Variants in FBXL13 observed in about 807,000 individuals in gnomAD.
FBXL13 encodes the protein F-box and leucine rich repeat protein 13, also known as F-box and leucine-rich repeat protein 13.
FBXL13 carries 67 observed loss-of-function variants against 83.6 expected under a neutral mutation model. That is an observed-to-expected ratio of 0.80 (90% CI 0.66 to 0.98). The LOEUF (loss-of-function observed/expected upper bound fraction) is 0.98, where lower values mean the gene tolerates loss of function less well. Ranked by LOEUF, FBXL13 falls within the 50% of genes least tolerant of loss-of-function variation. FBXL13 has a pLI of 0.00. For synonymous variants in FBXL13, 272 were observed against 299.5 expected, an observed-to-expected ratio of 0.91 and a Z score of 0.95; for missense variants, 822 against 866.5, an observed-to-expected ratio of 0.95 and a Z score of 0.64.
rs868369854 is a variant in FBXL13 at position 103,034,718 on chromosome 7, C to T, written c.1-5300G>A. On this transcript the variant is annotated intron_variant, in intron 2 of 19. Coordinates refer to ENST00000313221, the Ensembl canonical transcript of FBXL13. ...GTGGGAGCCCAGGCAGAGGAGGCGC[C>T]GAGAGCGAACGAGGGCTGCGAGGGC... 4.6e-5 allele frequency among the ~76,000 whole-genome samples: 7 copies of T among 152,364 alleles called. No individual in the cohort carries two copies. In the South Asian group the frequency reaches 8.3e-4, roughly 18 times the overall value.
At chr7:102,825,854 C>T (rs1285768489) in intron 18 of FBXL13, among the ~76,000 whole-genome samples, 2 of 152,206 alleles carry the variant, frequency 1.3e-5, no homozygotes, top group African/African-American at 2.4e-5. Flanking sequence ...AGCTCTGGCA[C>T]TATTTAATTG....
chr7:103,054,373 G>C (rs567340873), intron 2 of FBXL13, among the ~76,000 whole-genome samples: 4 of 144,314 alleles, frequency 2.8e-5, no homozygotes, highest in Non-Finnish European at 6.0e-5. Context: ...CTGGGCAGCA[G>C]AGCAAGACTC....
intron 8 of FBXL13, chr7:102,933,823 T>G: frequency 2.2e-6 from 3 of 1,339,990 alleles, no homozygotes; most frequent in Non-Finnish European, 3.0e-6. Flanking sequence ...CAGAACTGCA[T>G]TAGTTAAGAT....
At chr7:102,835,811 G>A (rs377192007) in intron 17 of FBXL13, among the ~76,000 whole-genome samples, 1 of 151,168 alleles carries the variant, frequency 6.6e-6, no homozygotes, top group Admixed American at 6.6e-5. Context: ...GGGTTTCACC[G>A]TTTTAGCCGG....
intron 16 of FBXL13, among the ~76,000 whole-genome samples, chr7:102,871,688 T>A (rs1489824010): frequency 6.6e-6 from 1 of 152,192 alleles, no homozygotes; most frequent in Non-Finnish European, 1.5e-5. Context: ...CCACCACACC[T>A]GGCCAATTTT....
At chr7:102,954,048 G>A (rs1319133565) in intron 8 of FBXL13, among the ~76,000 whole-genome samples, 1 of 152,100 alleles carries the variant, frequency 6.6e-6, no homozygotes, top group Admixed American at 6.6e-5. Context: ...ATTTCCAACT[G>A]AGGTACCTGG....
chr7:102,818,489 C>T (rs911116207), intron 19 of FBXL13, among the ~76,000 whole-genome samples: 1 of 152,198 alleles, frequency 6.6e-6, no homozygotes, highest in Non-Finnish European at 1.5e-5. Flanking sequence ...TTTGTTCATA[C>T]TGATAATAAA....
intron 11 of FBXL13, among the ~76,000 whole-genome samples, chr7:102,892,637 T>G (rs1256223365): frequency 1.3e-5 from 2 of 152,212 alleles, no homozygotes; most frequent in African/African-American, 4.8e-5. Context: ...TAAATGATAC[T>G]TAAAACCACA....
intron 8 of FBXL13, among the ~76,000 whole-genome samples, chr7:102,948,442 GAC>G (rs922734341): frequency 2.0e-5 from 3 of 151,446 alleles, no homozygotes; most frequent in Non-Finnish European, 2.9e-5. Flanking sequence ...TCTTTTTTTT[GAC>G]ACAGAGTCTC....
At chr7:102,992,695 C>T (rs534391707) in intron 6 of FBXL13, among the ~76,000 whole-genome samples, 3 of 152,162 alleles carry the variant, frequency 2.0e-5, no homozygotes, top group Admixed American at 1.3e-4. Context: ...GCCTCAACCT[C>T]TCCAGACTTA....
intron 16 of FBXL13, among the ~76,000 whole-genome samples, chr7:102,867,695 A>ATATATATTT (rs1239781180): frequency 1.6e-4 from 8 of 49,078 alleles, no homozygotes; most frequent in African/African-American, 9.8e-4. Context: ...ATATATATAT[A>ATATATATTT]TTTTTTTTTT....
intron 7 of FBXL13, 37 bp from the exon 9 acceptor site, chr7:102,963,702 A>C: frequency 1.3e-6 from 2 of 1,556,330 alleles, no homozygotes; most frequent in Non-Finnish European, 1.7e-6. Flanking sequence ...AGAAATGAGA[A>C]AGTCCCCAAA....
At chr7:103,031,234 T>G (rs1794480603) in intron 2 of FBXL13, 1 of 152,274 alleles carries the variant, frequency 6.6e-6, no homozygotes, top group East Asian at 1.9e-4. Flanking sequence ...TCACATGGCT[T>G]CACTTCCTCC....
intron 1 of FBXL13, among the ~76,000 whole-genome samples, chr7:103,066,516 T>C (rs925058968): frequency 3.3e-5 from 5 of 151,588 alleles, no homozygotes; most frequent in Admixed American, 1.3e-4. Flanking sequence ...CTCAGCCTCC[T>C]GAGCAGCTGG....
At chr7:103,041,719 A>C (rs1156368746) in intron 2 of FBXL13, among the ~76,000 whole-genome samples, 1 of 152,212 alleles carries the variant, frequency 6.6e-6, no homozygotes, top group Non-Finnish European at 1.5e-5. Flanking sequence ...CAATGACAAA[A>C]ACCACATGAT....
At chr7:102,836,440 C>T (rs763801948) in intron 17 of FBXL13, among the ~76,000 whole-genome samples, 12 of 152,174 alleles carry the variant, frequency 7.9e-5, no homozygotes, top group Admixed American at 7.2e-4. Context: ...CCATTTCCCC[C>T]CTACAGATAA....
intron 6 of FBXL13, among the ~76,000 whole-genome samples, chr7:103,014,106 C>T (rs898961293): frequency 2.6e-5 from 4 of 152,160 alleles, no homozygotes; most frequent in African/African-American, 9.7e-5. Context: ...AATCCCTGTA[C>T]AGACTAATAT....
At chr7:102,918,411 T>C (rs1816327279) in intron 10 of FBXL13, among the ~76,000 whole-genome samples, 1 of 152,168 alleles carries the variant, frequency 6.6e-6, no homozygotes, top group Non-Finnish European at 1.5e-5. Flanking sequence ...CCTAAGAAGA[T>C]ATGCATAGCT....
intron 18 of FBXL13, among the ~76,000 whole-genome samples, chr7:102,828,191 A>G (rs781661945): frequency 3.3e-5 from 5 of 152,114 alleles, no homozygotes; most frequent in East Asian, 1.9e-4. Context: ...CCATTTTCAC[A>G]ATATTGATTC....
Sources: allele counts gnomAD v4.1 joint callset (sites outside exome capture counted in the v4.1 genomes callset), GRCh38; gene constraint gnomAD v4.1.1; transcripts MANE v1.5; gene names NCBI Gene and HGNC (gene_info 2026-07-23, HGNC 2026-07-21).